Variants in SQOR observed in about 807,000 individuals in gnomAD.
SQOR encodes sulfide quinone oxidoreductase.
A neutral mutation model predicts 48.6 loss-of-function variants in SQOR; 39 were observed. That is an observed-to-expected ratio of 0.80 (90% CI 0.62 to 1.05). SQOR has a LOEUF of 1.05. Among genes scored for constraint, SQOR ranks in the 50% least tolerant of loss-of-function variants. SQOR has a pLI of 0.00. For missense variants in SQOR, 561 were observed against 559.9 expected, an observed-to-expected ratio of 1.00 and a Z score of -0.02; for synonymous variants, 220 against 206.2, an observed-to-expected ratio of 1.07 and a Z score of -0.57.
At chr15:45,643,345 G>A (rs1014437519) in intron 1 of SQOR, among the ~76,000 whole-genome samples, 3 of 152,150 alleles carry the variant, frequency 2.0e-5, no homozygotes, top group African/African-American at 7.2e-5. Context: ...ACAGGTGCGT[G>A]CCACCACGCC....
intron 2 of SQOR, among the ~76,000 whole-genome samples, chr15:45,661,357 T>TGG (rs1346800294): frequency 6.7e-5 from 10 of 149,800 alleles, no homozygotes; most frequent in Non-Finnish European, 1.2e-4. Flanking sequence ...AGTGAAAGTT[T>TGG]GGGTATGCAT....
intron 6 of SQOR, among the ~76,000 whole-genome samples, chr15:45,681,685 T>C (rs1234831934): frequency 6.6e-6 from 1 of 152,152 alleles, no homozygotes; most frequent in Non-Finnish European, 1.5e-5. Flanking sequence ...GGAAGGAGTT[T>C]GTTAAAAATA....
intron 1 of SQOR, among the ~76,000 whole-genome samples, chr15:45,649,646 A>AT (rs57753215): frequency 0.034 from 5,218 of 151,422 alleles, 357 homozygotes; most frequent in African/African-American, 0.12. Flanking sequence ...TGCCCAGCTA[A>AT]TTTTTTTTGT....
At chr15:45,661,143 A>G (rs1272503233) in intron 2 of SQOR, among the ~76,000 whole-genome samples, 4 of 151,868 alleles carry the variant, frequency 2.6e-5, no homozygotes, top group South Asian at 2.1e-4. Context: ...TTAGCCAGGC[A>G]TGGTGGCACA....
chr15:45,683,929 G>A (rs1365039611), intron 7 of SQOR, among the ~76,000 whole-genome samples: 8 of 151,084 alleles, frequency 5.3e-5, no homozygotes, highest in African/African-American at 1.7e-4. Flanking sequence ...TTTTGGTGGG[G>A]GGACAGAATT....
intron 7 of SQOR, 121 bp downstream of exon 7, chr15:45,682,782 C>A: frequency 8.7e-7 from 1 of 1,144,856 alleles, no homozygotes; most frequent in Non-Finnish European, 1.2e-6. Flanking sequence ...AATCCCAGCA[C>A]TTTGGGAGAC....
rs1889732869 is a variant in SQOR at position 45,662,180 on chromosome 15, C to T, written c.405+55C>T. On this transcript the variant is annotated intron_variant, in intron 3 of 9. Coordinates refer to ENST00000260324, the MANE Select transcript of SQOR (RefSeq NM_021199.4). ...TAATCTGACAGCTTGTATTAATATG[C>T]AGCCATCTTAAACTGGATAGCCTTG... 3.2e-6 allele frequency: 5 copies of T among 1,578,164 alleles called. No homozygotes were observed. In the African/African-American group the frequency reaches 5.4e-5, roughly 17 times the overall value.
In SQOR at chr15:45,662,102, A is replaced by G; in HGVS notation, c.382A>G (p.Ile128Val). The G allele has an allele frequency of 1.2e-6, 2 of 1,614,124 alleles. No individual in the cohort carries two copies. Among genetic ancestry groups the G allele is most frequent in the Non-Finnish European group, 1.7e-6 (2 of 1,179,946 alleles). ...VTELNPDKNC[I>V]HTDDDEKISY... ...TGAGTTGAACCCAGACAAGAACTGC[A>G]TTCACACAGATGACGACGAGAAGGT... The change falls in exon 3 of 10, where the codon ATT becomes GTT. Residue 128 changes from isoleucine (I) to valine (V), a missense_variant. Coordinates refer to ENST00000260324, the MANE Select transcript of SQOR (RefSeq NM_021199.4).
chr15:45,642,734 C>T (rs1287591535), intron 1 of SQOR, among the ~76,000 whole-genome samples: 7 of 152,150 alleles, frequency 4.6e-5, no homozygotes, highest in Non-Finnish European at 8.8e-5. Context: ...CATAACTTCC[C>T]TTTTTCTGCT....
chr15:45,648,189 T>TTGTTTTTTTG (rs929110884), intron 1 of SQOR, among the ~76,000 whole-genome samples: 5 of 152,094 alleles, frequency 3.3e-5, no homozygotes, highest in African/African-American at 1.2e-4. Context: ...TTTTGTTTTT[T>TTGTTTTTTTG]TTTTGAGACG....
intron 1 of SQOR, among the ~76,000 whole-genome samples, chr15:45,643,047 T>G (rs1374614013): frequency 2.6e-5 from 4 of 152,222 alleles, no homozygotes; most frequent in African/African-American, 9.6e-5. Flanking sequence ...AAGCTGCCCC[T>G]TTGTGCGATC....
At chr15:45,650,320 G>C (rs1889452389) in intron 1 of SQOR, among the ~76,000 whole-genome samples, 1 of 152,190 alleles carries the variant, frequency 6.6e-6, no homozygotes, top group South Asian at 2.1e-4. Context: ...CCCTCGTGGG[G>C]AGTGTTACAG....
At chr15:45,650,357 T>C (rs1402786594) in intron 1 of SQOR, among the ~76,000 whole-genome samples, 2 of 152,222 alleles carry the variant, frequency 1.3e-5, no homozygotes, top group African/African-American at 4.8e-5. Flanking sequence ...GTCCGGAGTT[T>C]GTTCCTTCTA....
At chr15:45,634,198 C>CCATATATATATATATATATATATA (rs575224025), upstream of SQOR, among the ~76,000 whole-genome samples, 1 of 43,844 alleles carries the variant, frequency 2.3e-5, no homozygotes, top group Admixed American at 2.4e-4. Flanking sequence ...ACAACAACAA[C>CCATATATATATATATATATATATA]TATATATATA....
At chr15:45,659,243 A>G in intron 2 of SQOR, 86 bp downstream of exon 2, 1 of 1,178,892 alleles carries the variant, frequency 8.5e-7, no homozygotes, top group Non-Finnish European at 1.2e-6. Flanking sequence ...GGGGTTGGAT[A>G]TGACTATCAA....
chr15:45,673,651 G>C lies in SQOR; in HGVS notation c.504G>C (p.Ser168=), dbSNP rs775674151. The C allele has an allele frequency of 1.9e-5, 31 of 1,614,050 alleles. No individual in the cohort carries two copies. Among genetic ancestry groups the C allele is most frequent in the Non-Finnish European group, 2.5e-5 (30 of 1,180,022 alleles). The part of the protein sequence containing the change: ...PEGFAHPKIG[S]NYSVKTVEKT... Reference sequence around the variant, plus strand: ...GTTTCGCTCATCCCAAAATAGGGTCGAATTATTCAGTTAAGACTGTAGAGA... The same window carrying C: ...GTTTCGCTCATCCCAAAATAGGGTCCAATTATTCAGTTAAGACTGTAGAGA... Residue 168 remains serine (S), a synonymous_variant, in exon 5 of 10, where the codon TCG becomes TCC. Coordinates refer to ENST00000260324, the MANE Select transcript of SQOR (RefSeq NM_021199.4).
chr15:45,687,014 G>T (rs895863887), intron 7 of SQOR, among the ~76,000 whole-genome samples: 2 of 151,978 alleles, frequency 1.3e-5, no homozygotes, highest in Non-Finnish European at 2.9e-5. Flanking sequence ...CACCATGTTG[G>T]CCAGGCTGGT....
intron 2 of SQOR, 75 bp downstream of exon 2, chr15:45,659,232 T>C: frequency 8.0e-7 from 1 of 1,256,160 alleles, no homozygotes; most frequent in Non-Finnish European, 1.1e-6. Context: ...GTGTGTGTTC[T>C]GGGGTTGGAT....
At chr15:45,670,986 G>A (rs754277968) in intron 4 of SQOR, among the ~76,000 whole-genome samples, 16 of 152,150 alleles carry the variant, frequency 1.1e-4, no homozygotes, top group Non-Finnish European at 1.3e-4. Flanking sequence ...AAGGCAATGC[G>A]TCTCCATGGT....
Sources: gnomAD v4.1 joint callset for allele counts (sites outside exome capture counted in the v4.1 genomes callset) on GRCh38, gnomAD v4.1.1 for gene constraint, MANE v1.5 for transcripts, NCBI Gene and HGNC (gene_info 2026-07-23, HGNC 2026-07-21) for gene names.